RFC3: variants seen among roughly 807,000 people sequenced by gnomAD.
The protein encoded by RFC3 is replication factor C subunit 3.
Under a neutral mutation model 45.1 loss-of-function variants are expected in RFC3, and 41 were observed. The ratio of observed to expected loss-of-function variants is 0.91; its 90% CI spans 0.71 to 1.18. The LOEUF (loss-of-function observed/expected upper bound fraction) is 1.18. Ranked by LOEUF, RFC3 falls within the 50% of genes most tolerant of loss-of-function variation. The pLI, the probability that RFC3 is intolerant of heterozygous loss-of-function variation, is 0.00. For synonymous variants in RFC3, 149 were observed against 144.0 expected (o/e 1.03, Z -0.25); for missense variants, 423 against 428.1 (o/e 0.99, Z 0.10).
At chr13:33,920,880 A>G (rs1593692812) in intron 8 of RFC3, among the ~76,000 whole-genome samples, 1 of 152,196 alleles carries the variant, frequency 6.6e-6, no homozygotes, top group East Asian at 1.9e-4. Context: ...CTTCCCTACT[A>G]CATAGTTGGT....
intron 8 of RFC3, among the ~76,000 whole-genome samples, chr13:33,950,394 A>G (rs775284605): frequency 1.1e-4 from 17 of 152,214 alleles, no homozygotes; most frequent in Non-Finnish European, 1.8e-4. Context: ...TATCGATATA[A>G]TGAAAAAGGA....
At chr13:33,928,536 A>G (rs2082830774) in intron 8 of RFC3, among the ~76,000 whole-genome samples, 1 of 152,106 alleles carries the variant, frequency 6.6e-6, no homozygotes, top group Non-Finnish European at 1.5e-5. Context: ...GGTGAGTTAA[A>G]TATGCTGCTT....
chr13:33,912,823 A>G (rs1354491239), intron 8 of RFC3, among the ~76,000 whole-genome samples: 1 of 152,120 alleles, frequency 6.6e-6, no homozygotes, highest in African/African-American at 2.4e-5. Context: ...TGGGTGCAGG[A>G]ATATCAGCTT....
chr13:33,924,162 A>C (rs532578293), intron 8 of RFC3, among the ~76,000 whole-genome samples: 6 of 152,242 alleles, frequency 3.9e-5, no homozygotes, highest in Non-Finnish European at 5.9e-5. Flanking sequence ...GTCCTCTGAA[A>C]ACCAGATAAT....
intron 8 of RFC3, among the ~76,000 whole-genome samples, chr13:33,928,023 G>A (rs2082826515): frequency 1.3e-5 from 2 of 152,100 alleles, no homozygotes; most frequent in Admixed American, 6.6e-5. Context: ...AAACAGCCCT[G>A]TAAGGTGGGT....
At chr13:33,834,647 A>G (rs954483358) in intron 7 of RFC3, among the ~76,000 whole-genome samples, 2 of 151,936 alleles carry the variant, frequency 1.3e-5, no homozygotes, top group Non-Finnish European at 2.9e-5. Context: ...TCATGCGTAT[A>G]TTATCTTGTG....
chr13:33,938,939 G>A (rs1229545087), intron 8 of RFC3, among the ~76,000 whole-genome samples: 1 of 151,976 alleles, frequency 6.6e-6, no homozygotes, highest in Non-Finnish European at 1.5e-5. Flanking sequence ...TTTTCAGTTA[G>A]TTTCTTTTTA....
chr13:33,951,039 C>CTTTTTTTTTTTTTT (rs926664684), intron 8 of RFC3, among the ~76,000 whole-genome samples: 2 of 60,816 alleles, frequency 3.3e-5, no homozygotes, highest in Non-Finnish European at 5.8e-5. Flanking sequence ...TCTGATGGCT[C>CTTTTTTTTTTTTTT]TTTTTTTTTT....
chr13:33,950,237 G>T (rs1234089652), intron 8 of RFC3, among the ~76,000 whole-genome samples: 1 of 151,986 alleles, frequency 6.6e-6, no homozygotes, highest in Non-Finnish European at 1.5e-5. Flanking sequence ...GTTTCTTCAG[G>T]GATGTTCTTA....
chr13:33,852,482 C>T (rs536990175), intron 8 of RFC3, among the ~76,000 whole-genome samples: 145 of 152,200 alleles, frequency 9.5e-4, no homozygotes, highest in African/African-American at 3.4e-3. Flanking sequence ...TTGTTGATCT[C>T]AACTTGTTCT....
chr13:33,856,421 C>T (rs548247950), intron 8 of RFC3, among the ~76,000 whole-genome samples: 2 of 152,270 alleles, frequency 1.3e-5, no homozygotes, highest in East Asian at 1.9e-4. Context: ...ATAATCTGTA[C>T]AACAAACACC....
At chr13:33,835,488 AAAGGAAATACC>A (rs1566386292) in intron 8 of RFC3, 1 of 620,340 alleles carries the variant, frequency 1.6e-6, no homozygotes, top group Admixed American at 1.9e-5. Context: ...TAAGTGCTGT[AAAGGAAATACC>A]AAGGTGCAGG....
intron 7 of RFC3, among the ~76,000 whole-genome samples, chr13:33,831,574 A>G (rs1277164970): frequency 2.1e-5 from 2 of 97,088 alleles, no homozygotes; most frequent in Non-Finnish European, 3.5e-5. Flanking sequence ...ATCATGGCTT[A>G]CATGTGATCA....
At chr13:33,905,546 A>C (rs1339277733) in intron 8 of RFC3, among the ~76,000 whole-genome samples, 1 of 152,094 alleles carries the variant, frequency 6.6e-6, no homozygotes, top group Non-Finnish European at 1.5e-5. Context: ...AGTTTATAAC[A>C]ATATCTACAT....
intron 1 of RFC3, among the ~76,000 whole-genome samples, chr13:33,819,071 C>T (rs7318142): frequency 1 from 151,992 of 152,016 alleles, 75,984 homozygotes; most frequent in Non-Finnish European, 1. Context: ...TTGTATTTTT[C>T]AGTAGAGACG....
intron 8 of RFC3, chr13:33,846,149 C>T (rs1043533506): frequency 1.3e-5 from 2 of 152,138 alleles, no homozygotes; most frequent in Non-Finnish European, 2.9e-5. Flanking sequence ...GCTGAGTTGC[C>T]TGGAGCTAGG....
intron 8 of RFC3, among the ~76,000 whole-genome samples, chr13:33,861,761 C>T (rs2082342579): frequency 6.6e-6 from 1 of 152,100 alleles, no homozygotes; most frequent in Non-Finnish European, 1.5e-5. Flanking sequence ...CACACCTCTA[C>T]TTAGAGGCTC....
intron 8 of RFC3, among the ~76,000 whole-genome samples, chr13:33,867,096 C>A (rs1245574278): frequency 6.6e-6 from 1 of 152,164 alleles, no homozygotes; most frequent in Admixed American, 6.5e-5. Flanking sequence ...AGAAACAAGG[C>A]AATGCTAATA....
At chr13:33,902,119 G>T (rs1165897247) in intron 8 of RFC3, among the ~76,000 whole-genome samples, 2 of 152,062 alleles carry the variant, frequency 1.3e-5, no homozygotes, top group Admixed American at 6.6e-5. Flanking sequence ...GAATATATGG[G>T]CAGGAGACAG....
Sources: gnomAD v4.1 joint callset for allele counts (sites outside exome capture counted in the v4.1 genomes callset) on GRCh38, gnomAD v4.1.1 for gene constraint, MANE v1.5 for transcripts, NCBI Gene and HGNC (gene_info 2026-07-23, HGNC 2026-07-21) for gene names.